Variants in SLC35F1 observed in about 807,000 individuals in gnomAD.
SLC35F1 encodes the protein solute carrier family 35 member F1.
In SLC35F1, 14 loss-of-function variants were observed where a neutral mutation model predicts 48.7. The ratio of observed to expected loss-of-function variants is 0.29; its 90% CI spans 0.19 to 0.45. The LOEUF (loss-of-function observed/expected upper bound fraction) is 0.45, where lower values mean the gene tolerates loss of function less well. Ranked by LOEUF, SLC35F1 falls within the 20% of genes least tolerant of loss-of-function variation. The probability of loss-of-function intolerance (pLI) is 1.00; values close to 1 mark genes in which losing one functional copy is unlikely to be tolerated. For missense variants in SLC35F1, 404 were observed against 500.0 expected (o/e 0.81, Z 1.83); for synonymous variants, 190 against 202.2 (o/e 0.94, Z 0.51).
intron 7 of SLC35F1, among the ~76,000 whole-genome samples, chr6:118,286,066 T>C (rs1455594123): frequency 6.6e-6 from 1 of 152,166 alleles, no homozygotes; most frequent in Non-Finnish European, 1.5e-5. Flanking sequence ...TCAATTAGAA[T>C]TGACATATGA....
chr6:118,053,783 C>T (rs1772424747), intron 1 of SLC35F1, among the ~76,000 whole-genome samples: 1 of 152,050 alleles, frequency 6.6e-6, no homozygotes, highest in South Asian at 2.1e-4. Flanking sequence ...ATGTAATAAA[C>T]ATCTTAATGT....
intron 1 of SLC35F1, among the ~76,000 whole-genome samples, chr6:117,939,991 A>G (rs865837330): frequency 1.3e-5 from 2 of 152,220 alleles, no homozygotes; most frequent in Admixed American, 6.5e-5. Context: ...ATGCCAGTCT[A>G]GGAGCACACA....
intron 7 of SLC35F1, among the ~76,000 whole-genome samples, chr6:118,310,514 CT>C (rs1042711779): frequency 6.3e-4 from 95 of 151,274 alleles, no homozygotes; most frequent in African/African-American, 2.2e-3. Context: ...ACTTTTTTTA[CT>C]TTTTTTTTAA....
intron 1 of SLC35F1, among the ~76,000 whole-genome samples, chr6:117,937,082 A>C (rs1334653232): frequency 6.6e-6 from 1 of 152,190 alleles, no homozygotes; most frequent in Non-Finnish European, 1.5e-5. Context: ...TAAGGAAGTG[A>C]TTGTCATTCT....
intron 1 of SLC35F1, among the ~76,000 whole-genome samples, chr6:118,074,571 A>T (rs1201508736): frequency 6.6e-6 from 1 of 152,198 alleles, no homozygotes; most frequent in Non-Finnish European, 1.5e-5. Flanking sequence ...CTTCAGGATT[A>T]AAATGTTTGT....
At chr6:118,016,334 G>A (rs116171258) in intron 1 of SLC35F1, among the ~76,000 whole-genome samples, 34 of 152,142 alleles carry the variant, frequency 2.2e-4, no homozygotes, top group African/African-American at 6.7e-4. Context: ...TGGGGCAAAC[G>A]GCATGCCAAA....
intron 1 of SLC35F1, among the ~76,000 whole-genome samples, chr6:118,105,461 T>C (rs1320493200): frequency 3.9e-5 from 6 of 152,226 alleles, no homozygotes; most frequent in Non-Finnish European, 8.8e-5. Context: ...TCAAGCACCT[T>C]ACATTCTGTC....
chr6:118,176,584 A>G (rs1405957268), intron 2 of SLC35F1, among the ~76,000 whole-genome samples: 2 of 152,112 alleles, frequency 1.3e-5, no homozygotes, highest in Non-Finnish European at 1.5e-5. Context: ...AATACAATGA[A>G]AAAAATCATC....
At chr6:117,977,600 T>C (rs1260040748) in intron 1 of SLC35F1, among the ~76,000 whole-genome samples, 2 of 152,134 alleles carry the variant, frequency 1.3e-5, no homozygotes, top group East Asian at 3.9e-4. Flanking sequence ...TCCTATGTGG[T>C]GTAAAAGATT....
chr6:117,999,261 A>G (rs565116419), intron 1 of SLC35F1: 1 of 1,596,088 alleles, frequency 6.3e-7, no homozygotes, highest in Admixed American at 1.7e-5. Context: ...CTCGATCGAC[A>G]TGCCTACGTT....
At chr6:118,043,370 A>G (rs1772254951) in intron 1 of SLC35F1, among the ~76,000 whole-genome samples, 1 of 152,102 alleles carries the variant, frequency 6.6e-6, no homozygotes, top group African/African-American at 2.4e-5. Flanking sequence ...CTTAGCATCA[A>G]ATCTGTCACA....
chr6:118,025,026 C>T (rs935052975), intron 1 of SLC35F1, among the ~76,000 whole-genome samples: 2 of 152,114 alleles, frequency 1.3e-5, no homozygotes, highest in Non-Finnish European at 2.9e-5. Flanking sequence ...CCTAGGTTCC[C>T]CTATTGTTAA....
At chr6:118,235,947 T>G (rs541457392) in intron 3 of SLC35F1, among the ~76,000 whole-genome samples, 131 of 152,302 alleles carry the variant, frequency 8.6e-4, no homozygotes, top group African/African-American at 3.1e-3. Flanking sequence ...TAAAAAAAAT[T>G]TGTGGCTTTG....
intron 1 of SLC35F1, among the ~76,000 whole-genome samples, chr6:117,996,532 C>A (rs372822399): frequency 6.6e-6 from 1 of 152,284 alleles, no homozygotes; most frequent in East Asian, 1.9e-4. Flanking sequence ...AGGCACCCCC[C>A]AGTAGGGGCA....
At chr6:118,249,488 C>T (rs1775546727) in intron 3 of SLC35F1, among the ~76,000 whole-genome samples, 1 of 152,118 alleles carries the variant, frequency 6.6e-6, no homozygotes, top group Non-Finnish European at 1.5e-5. Flanking sequence ...TATCACTGTA[C>T]AAAATTCACC....
intron 7 of SLC35F1, among the ~76,000 whole-genome samples, chr6:118,290,949 C>G (rs1024682441): frequency 4.6e-5 from 7 of 152,072 alleles, no homozygotes; most frequent in African/African-American, 1.4e-4. Context: ...CACTCGCCAC[C>G]ATGCCCGGCT....
intron 1 of SLC35F1, among the ~76,000 whole-genome samples, chr6:118,129,037 G>T (rs898241689): frequency 6.6e-6 from 1 of 152,092 alleles, no homozygotes; most frequent in African/African-American, 2.4e-5. Flanking sequence ...TTTATTGAGT[G>T]TCCCCTATGT....
chr6:117,999,814 C>A (rs962574430), intron 1 of SLC35F1, among the ~76,000 whole-genome samples: 78 of 151,836 alleles, frequency 5.1e-4, no homozygotes, highest in African/African-American at 1.8e-3. Flanking sequence ...GAGAATACTA[C>A]AAACACCTCT....
intron 7 of SLC35F1, among the ~76,000 whole-genome samples, chr6:118,291,086 C>A (rs1255353879): frequency 3.9e-5 from 6 of 152,104 alleles, no homozygotes; most frequent in Admixed American, 3.9e-4. Context: ...AGCCACCATG[C>A]CCAGCCAGAA....
Sources: allele counts gnomAD v4.1 joint callset (sites outside exome capture counted in the v4.1 genomes callset), GRCh38; gene constraint gnomAD v4.1.1; transcripts MANE v1.5; gene names NCBI Gene and HGNC (gene_info 2026-07-23, HGNC 2026-07-21).